Variants in LONRF3 observed in about 807,000 individuals in gnomAD.
LONRF3 encodes LON peptidase N-terminal domain and ring finger 3.
In LONRF3, 19 loss-of-function variants were observed where a neutral mutation model predicts 51.7. That is an observed-to-expected ratio of 0.37 (90% CI 0.26 to 0.54). The LOEUF is 0.54. Among genes scored for constraint, LONRF3 ranks in the 20% least tolerant of loss-of-function variants. The pLI is 0.86. For synonymous variants in LONRF3, 265 were observed against 257.8 expected, an observed-to-expected ratio of 1.03 and a Z score of -0.27; for missense variants, 521 against 623.9, an observed-to-expected ratio of 0.84 and a Z score of 1.76.
chrX:118,975,695 C>T lies in LONRF3; in HGVS notation c.817+98C>T, dbSNP rs781241937. The T allele has an allele frequency of 2.1e-4, 117 of 551,048 alleles. No individual in the cohort carries two copies. The African/African-American group carries it at 3.5e-3, about 16-fold the overall frequency. The allele number at this position is 551,048 out of a possible 1,213,427, so 45.4% of individuals were successfully genotyped here. On this transcript the variant is annotated intron_variant, in intron 1 of 10. Coordinates refer to ENST00000371628, the MANE Select transcript of LONRF3 (RefSeq NM_001031855.3). ...CAGCGAGAAGGGATTTGGACCAGGG[C>T]AGAAGAGGGGGCGGGGGACCCATGG... is the stretch of plus-strand genomic sequence containing the variant.
intron 3 of LONRF3, among the ~76,000 whole-genome samples, chrX:118,988,841 A>G (rs1387879257): frequency 9.3e-6 from 1 of 108,078 alleles, no homozygotes; most frequent in Admixed American, 1.0e-4. Context: ...AATCTAGTAA[A>G]AGGAATAGTT....
Position 119,011,818 on chromosome X carries a change from T to A in LONRF3, c.1656T>A (p.Leu552=), listed in dbSNP as rs762546449. The A allele has an allele frequency of 8.3e-7, 1 of 1,210,913 alleles. No individual in the cohort carries two copies. Among genetic ancestry groups the A allele is most frequent in the Admixed American group, 2.2e-5 (1 of 46,023 alleles). Reference sequence around the variant, plus strand: ...TGTCATTTTCTCTTTCTGACAGCCTTAATAAGAATGTGCCTATTTTCGTGT... The same window carrying A: ...TGTCATTTTCTCTTTCTGACAGCCTAAATAAGAATGTGCCTATTTTCGTGT... ...YEEEMEELSN[L]NKNVPIFVCT... is the part of the protein sequence containing the mutation. Residue 552 remains leucine (L), a synonymous_variant, in exon 8 of 11, where the codon CTT becomes CTA. Coordinates refer to ENST00000371628, the MANE Select transcript of LONRF3 (RefSeq NM_001031855.3).
chrX:119,006,921 A>G (rs1924774176), intron 6 of LONRF3, among the ~76,000 whole-genome samples: 1 of 106,182 alleles, frequency 9.4e-6, no homozygotes, highest in East Asian at 3.0e-4. Context: ...ATGGGGTTTC[A>G]CCATATTGGT....
At position 118,974,772 on chromosome X, in the gene LONRF3, C is replaced by T; in HGVS notation, c.-9C>T. ...TAGACGCCTCGTCTCCTCCCGTGTC[C>T]CTCTTCCCATGGAGTCAGTACGGAT... On this transcript the variant is annotated 5_prime_UTR_variant, in exon 1 of 11. Coordinates refer to ENST00000371628, the MANE Select transcript of LONRF3 (RefSeq NM_001031855.3). 1 of 1,182,433 alleles carries T rather than the reference C, an allele frequency of 8.5e-7. No individual in the cohort carries two copies. Among genetic ancestry groups the T allele is most frequent in the African/African-American group, 1.8e-5 (1 of 57,023 alleles).
chrX:119,009,421 G>A (rs182015326), intron 7 of LONRF3, among the ~76,000 whole-genome samples, 174 bp downstream of exon 7: 174 of 111,617 alleles, frequency 1.6e-3, no homozygotes, highest in African/African-American at 5.5e-3. Context: ...CAGGGTTTCC[G>A]CTGCACCCAG....
intron 5 of LONRF3, among the ~76,000 whole-genome samples, chrX:118,996,661 G>C (rs894469379): frequency 9.0e-6 from 1 of 111,308 alleles, no homozygotes. Flanking sequence ...GGTGGCTCAT[G>C]CCTGTAATCC....
intron 5 of LONRF3, among the ~76,000 whole-genome samples, chrX:118,996,752 C>G (rs1248850591): frequency 9.1e-6 from 1 of 109,591 alleles, no homozygotes; most frequent in Non-Finnish European, 1.9e-5. Context: ...GAAATCCTGT[C>G]TCTACTAAAA....
In LONRF3 at chrX:119,011,980, G is replaced by T; in HGVS notation, c.1811+7G>T. 8.3e-7 allele frequency: 1 copy of T among 1,210,873 alleles called. No individual in the cohort carries two copies. Among genetic ancestry groups the T allele is most frequent in the Non-Finnish European group, 1.1e-6 (1 of 894,761 alleles). On this transcript the variant is annotated splice_region_variant and intron_variant, in intron 8 of 10. Coordinates refer to ENST00000371628, the MANE Select transcript of LONRF3 (RefSeq NM_001031855.3). ...TTGGAGATCCTGTCAAAGGGTAAGT[G>T]AGGAGCCATGCGAGCAAAGGGAGGT...
intron 5 of LONRF3, among the ~76,000 whole-genome samples, chrX:118,994,457 G>A (rs749245203): frequency 1.5e-4 from 17 of 109,782 alleles, no homozygotes; most frequent in Non-Finnish European, 3.0e-4. Flanking sequence ...AGGCTGGAGC[G>A]CAATGGTGTG....
At chrX:118,981,392 G>A (rs779967193) in intron 2 of LONRF3, among the ~76,000 whole-genome samples, 7 of 107,703 alleles carry the variant, frequency 6.5e-5, no homozygotes, top group Admixed American at 2.0e-4. Flanking sequence ...GGCTGAGGCC[G>A]GAGAATCGCT....
At chrX:118,986,586 C>T (rs1382214430) in intron 3 of LONRF3, among the ~76,000 whole-genome samples, 2 of 112,335 alleles carry the variant, frequency 1.8e-5, no homozygotes, top group Non-Finnish European at 1.9e-5. Flanking sequence ...GATATTTCTG[C>T]GGAGTGTTAG....
At chrX:118,995,204 A>C (rs1010341410) in intron 5 of LONRF3, among the ~76,000 whole-genome samples, 4 of 112,486 alleles carry the variant, frequency 3.6e-5, no homozygotes, top group African/African-American at 1.3e-4. Context: ...AACCATGCAA[A>C]TAACATGGAA....
In LONRF3 at chrX:118,996,104, C is replaced by T. The variant is rs975076885; in HGVS notation, c.1415+5544C>T. 7.1e-5 allele frequency among the ~76,000 whole-genome samples: 8 copies of T among 112,034 alleles called. No individual in the cohort carries two copies. In the East Asian group the frequency reaches 2.3e-3, roughly 32 times the overall value. ...TTTGCTGAGAGTGTTAATCATAAAG[C>T]GATGCTGGATTTTGTTTAATGATTT... On this transcript the variant is annotated intron_variant, in intron 5 of 10. Coordinates refer to ENST00000371628, the MANE Select transcript of LONRF3 (RefSeq NM_001031855.3).
chrX:118,997,335 G>C (rs1020617221), intron 5 of LONRF3, among the ~76,000 whole-genome samples: 3 of 111,930 alleles, frequency 2.7e-5, no homozygotes, highest in African/African-American at 9.8e-5. Flanking sequence ...ACAGCCAACT[G>C]ATCTTCAACA....
At chrX:119,016,546 G>C (rs769770290) in intron 10 of LONRF3, among the ~76,000 whole-genome samples, 1 of 110,408 alleles carries the variant, frequency 9.1e-6, no homozygotes, top group Non-Finnish European at 1.9e-5. Flanking sequence ...ATGGGGTTTC[G>C]TCGTGTTAGC....
chrX:119,004,749 A>C (rs1250531258), intron 5 of LONRF3, among the ~76,000 whole-genome samples: 2 of 112,276 alleles, frequency 1.8e-5, no homozygotes, highest in East Asian at 5.6e-4. Flanking sequence ...ATGGTTTCAT[A>C]AGTGTGTACA....
At chrX:119,013,728 T>A (rs1925265121) in intron 9 of LONRF3, among the ~76,000 whole-genome samples, 1 of 111,768 alleles carries the variant, frequency 8.9e-6, no homozygotes, top group African/African-American at 3.3e-5. Flanking sequence ...AGGTAAATAA[T>A]CCTATATTCA....
intron 6 of LONRF3, 142 bp from the exon 7 acceptor site, chrX:119,008,984 A>G (rs753114046): frequency 1.6e-5 from 6 of 371,046 alleles, no homozygotes; most frequent in Non-Finnish European, 2.8e-5. Flanking sequence ...ATATATTATG[A>G]TGGTAACAGC....
rs1405134851 is a variant in LONRF3, at chrX:118,989,451, C to T, written c.1103C>T (p.Ala368Val). Residue 368 changes from alanine (A) to valine (V), a missense_variant, in exon 4 of 11, where the codon GCA (alanine) becomes GTA (valine). Around this residue, in one of 2 missense-constraint regions of LONRF3, gnomAD observed 376 missense variants for 376.7 expected, o/e 1.00. Coordinates refer to ENST00000371628, the MANE Select transcript of LONRF3 (RefSeq NM_001031855.3). ...LPHCSSQEEA[A>V]ARGDGSSLMD... ...CATTGTTCTAGTCAGGAGGAAGCAG[C>T]AGCCAGGGGAGATGGCAGCAGTCTG... The T allele has an allele frequency of 2.5e-6, 3 of 1,211,046 alleles. No individual in the cohort carries two copies. In the Admixed American group the frequency reaches 6.5e-5, roughly 26 times the overall value.
Sources: gnomAD v4.1 joint callset for allele counts (sites outside exome capture counted in the v4.1 genomes callset) on GRCh38, gnomAD v4.1.1 for gene constraint, gnomAD v4.1.1 regional missense constraint, MANE v1.5 for transcripts, NCBI Gene and HGNC (gene_info 2026-07-23, HGNC 2026-07-21) for gene names.